The following RBMS3 variants were observed in gnomAD, a reference collection of about 807,000 sequenced individuals.
RBMS3 encodes the protein RNA binding motif single stranded interacting protein 3.
Under a neutral mutation model 66.8 loss-of-function variants are expected in RBMS3, and 27 were observed. That is an observed-to-expected ratio of 0.40 (90% CI 0.30 to 0.56). The LOEUF is 0.56. Ranked by LOEUF, RBMS3 falls within the 20% of genes least tolerant of loss-of-function variation. The pLI is 0.40. For missense variants in RBMS3, 513 were observed against 549.5 expected (o/e 0.93, Z 0.66); for synonymous variants, 188 against 183.0 (o/e 1.03, Z -0.22).
intron 4 of RBMS3, among the ~76,000 whole-genome samples, chr3:29,587,675 G>C (rs1318231252): frequency 2.6e-5 from 4 of 151,830 alleles, no homozygotes; most frequent in Admixed American, 1.3e-4. Flanking sequence ...CTCTTAGCTG[G>C]GGAGAGCTGA....
intron 1 of RBMS3, among the ~76,000 whole-genome samples, chr3:29,306,503 C>T (rs558408403): frequency 6.6e-6 from 1 of 151,868 alleles, no homozygotes; most frequent in African/African-American, 2.4e-5. Flanking sequence ...GTGCCACTTG[C>T]AACCATAAAA....
chr3:29,405,997 C>T (rs898003353), intron 1 of RBMS3, among the ~76,000 whole-genome samples: 2 of 152,196 alleles, frequency 1.3e-5, no homozygotes, highest in African/African-American at 4.8e-5. Flanking sequence ...CTAATTGTTA[C>T]ATTTTAAAGA....
At chr3:29,510,798 G>A (rs377695300) in intron 3 of RBMS3, among the ~76,000 whole-genome samples, 10 of 152,218 alleles carry the variant, frequency 6.6e-5, no homozygotes, top group East Asian at 3.9e-4. Context: ...AGTTATGTTA[G>A]CATTGTTTAT....
intron 6 of RBMS3, among the ~76,000 whole-genome samples, chr3:29,790,797 T>A (rs921982903): frequency 9.2e-5 from 14 of 152,220 alleles, no homozygotes; most frequent in Admixed American, 7.9e-4. Context: ...ATTTTTAAAG[T>A]TTCAATCGAA....
At chr3:29,376,962 G>A (rs1236884124) in intron 1 of RBMS3, among the ~76,000 whole-genome samples, 1 of 152,040 alleles carries the variant, frequency 6.6e-6, no homozygotes, top group Non-Finnish European at 1.5e-5. Flanking sequence ...GGTGGCGGAT[G>A]CCTGTAATCC....
intron 10 of RBMS3, among the ~76,000 whole-genome samples, chr3:29,925,676 G>C (rs181118238): frequency 4.6e-5 from 7 of 152,054 alleles, no homozygotes; most frequent in Non-Finnish European, 8.8e-5. Context: ...CAGAGCCCTG[G>C]CAGACCAAAT....
chr3:29,391,845 T>A (rs1489952787), intron 1 of RBMS3, among the ~76,000 whole-genome samples: 1 of 152,208 alleles, frequency 6.6e-6, no homozygotes, highest in East Asian at 1.9e-4. Flanking sequence ...TAAAACTCAA[T>A]ACAGAAATGG....
At chr3:29,576,935 A>T (rs2047141985) in intron 3 of RBMS3, among the ~76,000 whole-genome samples, 1 of 152,216 alleles carries the variant, frequency 6.6e-6, no homozygotes, top group Non-Finnish European at 1.5e-5. Flanking sequence ...GCCTAGGCCT[A>T]GACTTAGTGA....
chr3:29,745,236 T>G (rs2054832663), intron 5 of RBMS3, among the ~76,000 whole-genome samples: 1 of 142,398 alleles, frequency 7.0e-6, no homozygotes, highest in South Asian at 2.5e-4. Flanking sequence ...TTATTTTATT[T>G]TGTGTGTGTG....
chr3:29,975,923 A>T (rs891966605), intron 12 of RBMS3, among the ~76,000 whole-genome samples: 5 of 151,960 alleles, frequency 3.3e-5, no homozygotes, highest in African/African-American at 1.2e-4. Context: ...GAAAATTTAC[A>T]CTTTAAGAGG....
chr3:29,392,908 A>C (rs2039369186), intron 1 of RBMS3, among the ~76,000 whole-genome samples: 1 of 151,976 alleles, frequency 6.6e-6, no homozygotes, highest in Non-Finnish European at 1.5e-5. Context: ...TACAGAAAAA[A>C]AAAAACAAGA....
chr3:29,797,074 G>C (rs757569268), intron 6 of RBMS3, among the ~76,000 whole-genome samples: 1 of 151,962 alleles, frequency 6.6e-6, no homozygotes, highest in African/African-American at 2.4e-5. Context: ...CCTGTCCTTT[G>C]AAGTTTTGAG....
intron 4 of RBMS3, among the ~76,000 whole-genome samples, chr3:29,600,696 C>T (rs945913345): frequency 1.3e-5 from 2 of 152,076 alleles, no homozygotes; most frequent in Non-Finnish European, 2.9e-5. Flanking sequence ...AAAGTCTCTG[C>T]AGTGTAGTAG....
chr3:29,398,394 C>G (rs1251122603), intron 1 of RBMS3, among the ~76,000 whole-genome samples: 2 of 152,098 alleles, frequency 1.3e-5, no homozygotes, highest in Non-Finnish European at 1.5e-5. Flanking sequence ...AATTCCTCTC[C>G]CTTTTTCTCT....
intron 2 of RBMS3, among the ~76,000 whole-genome samples, chr3:29,477,322 C>A (rs549766471): frequency 6.6e-6 from 1 of 152,202 alleles, no homozygotes; most frequent in East Asian, 1.9e-4. Context: ...ATCACTGTAC[C>A]TGGACATACT....
At chr3:29,812,834 A>G (rs1290824100) in intron 6 of RBMS3, among the ~76,000 whole-genome samples, 10 of 152,264 alleles carry the variant, frequency 6.6e-5, no homozygotes, top group Middle Eastern at 3.4e-3. Context: ...GTTCAATGAG[A>G]TGGTAGAACA....
chr3:29,950,343 G>T (rs1484317079), intron 12 of RBMS3, among the ~76,000 whole-genome samples: 1 of 151,854 alleles, frequency 6.6e-6, no homozygotes, highest in African/African-American at 2.4e-5. Context: ...GCATCACTTA[G>T]TGCCTCAGTC....
At chr3:29,849,170 A>ATGTGTGTGTGTGTG (rs10571760) in intron 6 of RBMS3, among the ~76,000 whole-genome samples, 119 of 141,764 alleles carry the variant, frequency 8.4e-4, no homozygotes, top group Non-Finnish European at 1.5e-3. Flanking sequence ...CACCAAAGGA[A>ATGTGTGTGTGTGTG]TGTGTGTGTG....
At chr3:29,676,584 A>G (rs914858018) in intron 4 of RBMS3, among the ~76,000 whole-genome samples, 1 of 152,152 alleles carries the variant, frequency 6.6e-6, no homozygotes, top group Admixed American at 6.6e-5. Flanking sequence ...TGTTCACTTT[A>G]GTTCTGTATT....
Sources: gnomAD v4.1 joint callset for allele counts (sites outside exome capture counted in the v4.1 genomes callset) on GRCh38, gnomAD v4.1.1 for gene constraint, MANE v1.5 for transcripts, NCBI Gene and HGNC (gene_info 2026-07-23, HGNC 2026-07-21) for gene names.